The following ARHGAP21 variants were observed in gnomAD, a reference collection of about 807,000 sequenced individuals.
ARHGAP21 encodes the protein rho GTPase-activating protein 21.
Under a neutral mutation model 164.6 loss-of-function variants are expected in ARHGAP21, and 38 were observed. That is an observed-to-expected ratio of 0.23 (90% CI 0.18 to 0.30). The LOEUF (loss-of-function observed/expected upper bound fraction) is 0.30, where lower values mean the gene tolerates loss of function less well. ARHGAP21 is among the 10% of genes least tolerant of loss of function. The pLI, the probability that ARHGAP21 is intolerant of heterozygous loss-of-function variation, is 1.00. For synonymous variants in ARHGAP21, 766 were observed against 857.9 expected, an observed-to-expected ratio of 0.89 and a Z score of 1.87; for missense variants, 1,822 against 2,370.7, an observed-to-expected ratio of 0.77 and a Z score of 4.81.
At chr10:24,633,883 C>CG (rs1836090916) in intron 5 of ARHGAP21, among the ~76,000 whole-genome samples, 5 of 75,456 alleles carry the variant, frequency 6.6e-5, no homozygotes, top group Non-Finnish European at 7.3e-5. Context: ...CTTTTTTTCT[C>CG]TTTTTTTTTT....
chr10:24,694,601 C>G (rs779897527), intron 2 of ARHGAP21, among the ~76,000 whole-genome samples: 67 of 152,136 alleles, frequency 4.4e-4, no homozygotes, highest in Non-Finnish European at 7.5e-4. Context: ...TAAGTATATC[C>G]TATGTGGCTC....
chr10:24,591,522 G>C, intron 23 of ARHGAP21, 120 bp downstream of exon 23: 1 of 1,321,150 alleles, frequency 7.6e-7, no homozygotes, highest in Middle Eastern at 1.9e-4. Context: ...CTGAGCTAGA[G>C]ACCTGCTTCC....
intron 9 of ARHGAP21, among the ~76,000 whole-genome samples, chr10:24,616,718 G>A (rs939216885): frequency 6.6e-6 from 1 of 152,194 alleles, no homozygotes; most frequent in Non-Finnish European, 1.5e-5. Flanking sequence ...GTATAAATTA[G>A]AGAAGTGTAG....
intron 2 of ARHGAP21, among the ~76,000 whole-genome samples, chr10:24,700,727 T>G (rs1484641178): frequency 3.3e-5 from 5 of 152,192 alleles, no homozygotes; most frequent in Non-Finnish European, 7.3e-5. Context: ...GTCCTAATTT[T>G]TAAAAGGATG....
intron 2 of ARHGAP21, among the ~76,000 whole-genome samples, chr10:24,682,004 C>T (rs1841810778): frequency 6.6e-6 from 1 of 151,738 alleles, no homozygotes; most frequent in Admixed American, 6.6e-5. Flanking sequence ...TTGTCTTTAA[C>T]ATGAGGATGA....
intron 2 of ARHGAP21, among the ~76,000 whole-genome samples, chr10:24,679,726 CT>C (rs1841594000): frequency 6.6e-6 from 1 of 152,140 alleles, no homozygotes; most frequent in Non-Finnish European, 1.5e-5. Flanking sequence ...TGATGAGTAT[CT>C]TTTCATGTGC....
intron 2 of ARHGAP21, among the ~76,000 whole-genome samples, chr10:24,673,762 T>G (rs910980489): frequency 5.3e-5 from 8 of 152,110 alleles, no homozygotes; most frequent in Non-Finnish European, 1.2e-4. Flanking sequence ...CTTGAGAGGC[T>G]AAGGCAGAAG....
intron 2 of ARHGAP21, among the ~76,000 whole-genome samples, chr10:24,681,333 T>C (rs1380478511): frequency 6.6e-6 from 1 of 152,244 alleles, no homozygotes; most frequent in African/African-American, 2.4e-5. Flanking sequence ...ATGTTACATC[T>C]GGTTTTCACA....
chr10:24,588,518 A>G (rs138954387), intron 25 of ARHGAP21, among the ~76,000 whole-genome samples: 4 of 152,172 alleles, frequency 2.6e-5, no homozygotes, highest in Admixed American at 2.6e-4. Flanking sequence ...TGTAAGAATT[A>G]TAATTTAATC....
At chr10:24,669,522 C>T (rs1224572694) in intron 3 of ARHGAP21, among the ~76,000 whole-genome samples, 2 of 152,156 alleles carry the variant, frequency 1.3e-5, no homozygotes, top group African/African-American at 4.8e-5. Context: ...AAATTCAAAT[C>T]CTAGATCAAC....
intron 21 of ARHGAP21, 49 bp from the exon 22 acceptor site, chr10:24,592,061 G>A: frequency 7.0e-7 from 1 of 1,425,002 alleles, no homozygotes; most frequent in Non-Finnish European, 9.3e-7. Context: ...TCTTAAGGAA[G>A]TAGGCTGAAA....
At chr10:24,700,609 A>G in intron 2 of ARHGAP21, among the ~76,000 whole-genome samples, 1 of 152,190 alleles carries the variant, frequency 6.6e-6, no homozygotes, top group East Asian at 1.9e-4. Context: ...TTAATTTAGG[A>G]TCTTATCCAG....
intron 2 of ARHGAP21, among the ~76,000 whole-genome samples, chr10:24,689,965 T>TAC (rs1842616752): frequency 6.7e-6 from 1 of 150,112 alleles, no homozygotes; most frequent in Non-Finnish European, 1.5e-5. Flanking sequence ...TGTGTGTGTG[T>TAC]ATATACACAT....
intron 2 of ARHGAP21, among the ~76,000 whole-genome samples, chr10:24,700,868 C>A (rs1050240358): frequency 6.6e-6 from 1 of 152,194 alleles, no homozygotes; most frequent in Non-Finnish European, 1.5e-5. Context: ...TGTTAAACTG[C>A]AAATTCTGAT....
At chr10:24,640,407 C>A (rs988506189) in intron 4 of ARHGAP21, 1 of 151,488 alleles carries the variant, frequency 6.6e-6, no homozygotes, top group Non-Finnish European at 1.5e-5. Context: ...TTAATTAAAC[C>A]AAATCTCTGC....
In ARHGAP21 at chr10:24,721,984, A is replaced by T; in HGVS notation, c.-85T>A. 1 of 1,424,504 alleles carries T rather than the reference A, an allele frequency of 7.0e-7. No homozygotes were observed. Among genetic ancestry groups the T allele is most frequent in the East Asian group, 2.3e-5 (1 of 43,042 alleles). The allele number at this position is 1,424,504 out of a possible 1,614,324, so 88.2% of individuals were successfully genotyped here. A position where few individuals can be genotyped will look rare whatever the true frequency, so the allele number is the denominator to read the frequency against. On this transcript the variant is annotated 5_prime_UTR_variant, in exon 2 of 26. Coordinates refer to ENST00000396432, the MANE Select transcript of ARHGAP21 (RefSeq NM_020824.4). ...GAATGCCACCACACACCCGAAGGGG[A>T]AGAATTCCACAAGCAGGCTCCGAGG...
chr10:24,604,421 A>C, intron 11 of ARHGAP21, 73 bp from the exon 12 acceptor site: 2 of 1,012,846 alleles, frequency 2.0e-6, no homozygotes, highest in Non-Finnish European at 3.0e-6. Flanking sequence ...AATAATTTGA[A>C]TATTACAATT....
chr10:24,650,907 TG>T (rs1838096837), intron 4 of ARHGAP21, among the ~76,000 whole-genome samples: 1 of 151,628 alleles, frequency 6.6e-6, no homozygotes, highest in South Asian at 2.1e-4. Flanking sequence ...TCCAAAGTAA[TG>T]GCTGAGAGAC....
At chr10:24,708,679 T>A (rs1844480881) in intron 2 of ARHGAP21, among the ~76,000 whole-genome samples, 1 of 152,224 alleles carries the variant, frequency 6.6e-6, no homozygotes. Context: ...ACATGCAATA[T>A]TCAACTTTCT....
Sources: allele counts gnomAD v4.1 joint callset (sites outside exome capture counted in the v4.1 genomes callset), GRCh38; gene constraint gnomAD v4.1.1; transcripts MANE v1.5; gene names NCBI Gene and HGNC (gene_info 2026-07-23, HGNC 2026-07-21).